Variants in SVEP1 observed in about 807,000 individuals in gnomAD.
SVEP1 encodes the protein sushi, von Willebrand factor type A, EGF and pentraxin domain-containing protein 1.
In SVEP1, 164 loss-of-function variants were observed where a neutral mutation model predicts 367.3. The observed-to-expected ratio is 0.45, with a 90% confidence interval of 0.39 to 0.51. SVEP1 has a LOEUF of 0.51. Among genes scored for constraint, SVEP1 ranks in the 20% least tolerant of loss-of-function variants. The pLI is 0.00. For missense variants in SVEP1, 4,117 were observed against 4,425.3 expected, an observed-to-expected ratio of 0.93 and a Z score of 1.98; for synonymous variants, 1,666 against 1,611.6, an observed-to-expected ratio of 1.03 and a Z score of -0.81.
intron 40 of SVEP1, among the ~76,000 whole-genome samples, chr9:110,393,328 A>G (rs1258969645): frequency 2.0e-5 from 3 of 152,216 alleles, no homozygotes; most frequent in Admixed American, 1.3e-4. Flanking sequence ...TACCTATCAT[A>G]TGATAATTCT....
Position 110,481,409 on chromosome 9 carries a change from G to A in SVEP1, c.2198C>T (p.Pro733Leu), listed in dbSNP as rs774816937. 1.9e-6 allele frequency: 3 copies of A among 1,593,164 alleles called. No individual in the cohort carries two copies. The highest frequency in any genetic ancestry group is 1.7e-4 in the Middle Eastern group (1 of 5,986). Residue 733 changes from proline to leucine, a missense_variant, in exon 12 of 48, where the codon CCT becomes CTT. Coordinates refer to ENST00000374469, the MANE Select transcript of SVEP1 (RefSeq NM_153366.4). ...AGTGCATATAAAATCCCCATTTACA[G>A]GTGTGAATGGAATTTCACAGGGAGA... ...KGSPCEIPFT[P>L]VNGDFICTPD...
In SVEP1 at chr9:110,471,521, T is replaced by C. The variant is rs1351648291; in HGVS notation, c.2841A>G (p.Glu947=). ...ENQQRLLQTL[E]TITNKLKRTL... is the part of the protein sequence containing the mutation. The stretch of plus-strand genomic sequence containing the variant: ...TCCTTTTCAGTTTATTTGTGATAGT[T>C]TCCAATGTCTGAAGGAGTCGTTGCT... The change falls in exon 16 of 48, where the codon GAA becomes GAG. Residue 947 remains glutamate (E), a synonymous_variant. Transcript: ENST00000374469. 1 of 1,613,860 alleles carries C rather than the reference T, an allele frequency of 6.2e-7. No homozygotes were observed. The highest frequency in any genetic ancestry group is 8.5e-7 in the Non-Finnish European group (1 of 1,179,894).
intron 38 of SVEP1, among the ~76,000 whole-genome samples, chr9:110,405,038 A>T (rs963476674): frequency 4.6e-5 from 7 of 152,118 alleles, no homozygotes; most frequent in Non-Finnish European, 1.0e-4. Flanking sequence ...AAAACCAAAA[A>T]ACAAAAAACC....
intron 5 of SVEP1, 80 bp from the exon 6 acceptor site, chr9:110,503,297 A>AATGTGCAGG: frequency 1.5e-6 from 2 of 1,374,202 alleles, no homozygotes; most frequent in Non-Finnish European, 2.0e-6. Context: ...CAATGCCTGC[A>AATGTGCAGG]CATTGCAAGC....
At chr9:110,474,565 C>T (rs896036879) in intron 14 of SVEP1, among the ~76,000 whole-genome samples, 5 of 152,136 alleles carry the variant, frequency 3.3e-5, no homozygotes, top group Non-Finnish European at 5.9e-5. Flanking sequence ...ATCTCATAGA[C>T]TTGTGATGAC....
At chr9:110,503,004 A>G (rs1452819692) in intron 6 of SVEP1, 34 bp downstream of exon 6, 7 of 1,580,760 alleles carry the variant, frequency 4.4e-6, no homozygotes, top group Non-Finnish European at 6.0e-6. Context: ...GAGGAAATGA[A>G]TCACTCAAGG....
chr9:110,435,746 G>A (rs1828421801), intron 28 of SVEP1, among the ~76,000 whole-genome samples: 3 of 152,216 alleles, frequency 2.0e-5, no homozygotes, highest in Admixed American at 1.3e-4. Context: ...CTCAGCCTCT[G>A]TAGTAATAAG....
chr9:110,492,088 TAC>T (rs142111116), intron 8 of SVEP1, among the ~76,000 whole-genome samples: 4,347 of 152,250 alleles, frequency 0.029, 194 homozygotes, highest in African/African-American at 0.099. Flanking sequence ...GATGTTCTTG[TAC>T]ATGCAAAGGC....
chr9:110,424,271 T>C (rs192008978), intron 36 of SVEP1, among the ~76,000 whole-genome samples: 126 of 152,302 alleles, frequency 8.3e-4, no homozygotes, highest in African/African-American at 2.8e-3. Flanking sequence ...AATTTAGAGA[T>C]AGCTCGTTCT....
At position 110,406,679 on chromosome 9, in the gene SVEP1, T is replaced by C. The variant is rs1300076063; in HGVS notation, c.8921A>G (p.Gln2974Arg). ...ATGGAGCTTATAACCAGGAAAGCAC[T>C]GATACTGTATATGGCCCCCATGAAT... is the stretch of plus-strand genomic sequence containing the variant. Reference protein sequence around the residue: ...SFIHGGHIQYQCFPGYKLHGN... With the variant: ...SFIHGGHIQYRCFPGYKLHGN... The change falls in exon 38 of 48, where the codon CAG becomes CGG. Residue 2974 changes from glutamine (Q) to arginine (R), a missense_variant. Transcript: ENST00000374469. 1.2e-6 allele frequency: 2 copies of C among 1,614,032 alleles called. No individual in the cohort carries two copies. The highest frequency in any genetic ancestry group is 2.2e-5 in the East Asian group (1 of 44,880).
chr9:110,409,090 G>C (rs1437935717), intron 37 of SVEP1, 139 bp from the exon 38 acceptor site: 2 of 1,007,628 alleles, frequency 2.0e-6, no homozygotes, highest in African/African-American at 3.3e-5. Flanking sequence ...ATGATTTATG[G>C]TTTTTCCAAT....
intron 3 of SVEP1, among the ~76,000 whole-genome samples, chr9:110,537,146 A>G (rs1830089276): frequency 6.6e-6 from 1 of 152,006 alleles, no homozygotes; most frequent in Non-Finnish European, 1.5e-5. Flanking sequence ...CATGCAACTC[A>G]GGAGGAACTC....
intron 1 of SVEP1, among the ~76,000 whole-genome samples, chr9:110,554,305 T>G (rs1830328845): frequency 6.6e-6 from 1 of 152,182 alleles, no homozygotes; most frequent in Non-Finnish European, 1.5e-5. Context: ...CACTAAAATG[T>G]TTCTATCTCA....
Position 110,380,668 on chromosome 9 carries a change from C to T in SVEP1, c.10238-1151G>A, listed in dbSNP as rs536715251. Among the ~76,000 whole-genome samples, 55 of 152,182 alleles carry T rather than the reference C, an allele frequency of 3.6e-4. 1 individual carries two copies. The highest frequency in any genetic ancestry group is 6.8e-3 in the Middle Eastern group (2 of 294). ...CTGAAGTTTTCTTTTTCTTGTATCT[C>T]CATCAGGTTTTGGTATCAGGATGAT... On this transcript the variant is annotated intron_variant, in intron 43 of 47. Coordinates refer to ENST00000374469, the MANE Select transcript of SVEP1 (RefSeq NM_153366.4).
At chr9:110,380,064 T>G (rs1998974) in intron 43 of SVEP1, among the ~76,000 whole-genome samples, 33,190 of 152,116 alleles carry the variant, frequency 0.22, 3,751 homozygotes, top group East Asian at 0.39. Flanking sequence ...TTTATGAAAT[T>G]CAAGGTTTCA....
intron 1 of SVEP1, among the ~76,000 whole-genome samples, chr9:110,553,185 T>C: frequency 6.6e-6 from 1 of 152,132 alleles, no homozygotes; most frequent in Middle Eastern, 3.2e-3. Context: ...ATCTCTTCCT[T>C]TGCTGTAACT....
intron 39 of SVEP1, among the ~76,000 whole-genome samples, chr9:110,402,115 T>G (rs1262222260): frequency 6.6e-6 from 1 of 152,122 alleles, no homozygotes; most frequent in Admixed American, 6.6e-5. Context: ...TATTATTGTT[T>G]TCTTTTGCTA....
intron 31 of SVEP1, 125 bp from the exon 32 acceptor site, chr9:110,432,159 T>C: frequency 8.7e-7 from 1 of 1,145,816 alleles, no homozygotes; most frequent in South Asian, 1.8e-5. Flanking sequence ...TTGTATAGAA[T>C]TTAAATATAA....
At position 110,455,650 on chromosome 9, in the gene SVEP1, T is replaced by C. The variant is rs777288654; in HGVS notation, c.3727A>G (p.Asn1243Asp). 6.2e-7 allele frequency: 1 copy of C among 1,613,466 alleles called. No homozygotes were observed. Among genetic ancestry groups the C allele is most frequent in the Non-Finnish European group, 8.5e-7 (1 of 1,179,712 alleles). The change falls in exon 22 of 48, where the codon AAT becomes GAT. Residue 1243 changes from asparagine (N) to aspartate (D), a missense_variant. Physicochemically the swap from Asn to Asp is conservative, Grantham distance 23. This residue lies in a region of SVEP1 where 2,174 missense variants were observed against 2,494.3 expected (regional missense o/e 0.87). Transcript: ENST00000374469. ...CCAACTAGGTCTTTACAAACTCCAT[T>C]GTTGAGGCAAGGCAGTGGGCTGCAC... Reference protein sequence around the residue: ...DECSPLPCLNNGVCKDLVGEF... With the variant: ...DECSPLPCLNDGVCKDLVGEF...
Sources: allele counts gnomAD v4.1 joint callset (sites outside exome capture counted in the v4.1 genomes callset), GRCh38; gene constraint gnomAD v4.1.1; regional missense constraint gnomAD v4.1.1; transcripts MANE v1.5; gene names NCBI Gene and HGNC (gene_info 2026-07-23, HGNC 2026-07-21).